Variants in ARFGEF3 observed in about 807,000 individuals in gnomAD.
The protein encoded by ARFGEF3 is ARFGEF family member 3.
In ARFGEF3, 96 loss-of-function variants were observed where a neutral mutation model predicts 221.7. The observed-to-expected ratio is 0.43, with a 90% CI of 0.37 to 0.51. ARFGEF3 has a LOEUF of 0.51. ARFGEF3 is among the 20% of genes least tolerant of loss of function. The probability of loss-of-function intolerance (pLI) is 0.00; values close to 1 mark genes in which losing one functional copy is unlikely to be tolerated. For synonymous variants in ARFGEF3, 1,145 were observed against 1,126.8 expected, an observed-to-expected ratio of 1.02 and a Z score of -0.32; for missense variants, 2,410 against 2,789.9, an observed-to-expected ratio of 0.86 and a Z score of 3.07.
chr6:138,198,653 G>A (rs909397972), intron 2 of ARFGEF3, among the ~76,000 whole-genome samples: 3 of 152,068 alleles, frequency 2.0e-5, no homozygotes, highest in Non-Finnish European at 4.4e-5. Flanking sequence ...CAGGAAAGGT[G>A]CTGGCTGTGG....
intron 9 of ARFGEF3, among the ~76,000 whole-genome samples, chr6:138,254,944 A>G (rs1048364051): frequency 2.6e-5 from 4 of 152,194 alleles, no homozygotes; most frequent in Non-Finnish European, 5.9e-5. Flanking sequence ...CTTTACTCCT[A>G]GCCCTAGCTC....
chr6:138,221,241 C>T (rs547437180), intron 4 of ARFGEF3, among the ~76,000 whole-genome samples: 2 of 152,276 alleles, frequency 1.3e-5, no homozygotes, highest in East Asian at 1.9e-4. Flanking sequence ...GGTTTGTTTG[C>T]TTGCTGATGT....
chr6:138,324,128 T>C lies in ARFGEF3; in HGVS notation c.4975T>C (p.Trp1659Arg). 1 of 1,613,730 alleles carries C rather than the reference T, an allele frequency of 6.2e-7. No homozygotes were observed. ...SSSPSAEAEYWRIRAMAQQVF... is the reference protein window; with the variant it reads ...SSSPSAEAEYRRIRAMAQQVF... Reference sequence around the variant, plus strand: ...CTCCCCAAGTGCCGAGGCCGAGTACTGGCGCATCCGAGCCATGGCCCAGCA... The same window carrying C: ...CTCCCCAAGTGCCGAGGCCGAGTACCGGCGCATCCGAGCCATGGCCCAGCA... The change falls in exon 31 of 34, where the codon TGG (tryptophan) becomes CGG (arginine). Residue 1659 changes from tryptophan to arginine, a missense_variant. Transcript: ENST00000251691.
At chr6:138,266,708 G>A (rs1778900042) in intron 12 of ARFGEF3, among the ~76,000 whole-genome samples, 1 of 151,862 alleles carries the variant, frequency 6.6e-6, no homozygotes, top group South Asian at 2.1e-4. Flanking sequence ...AATTAGCTGG[G>A]CGTGGTGGCA....
chr6:138,239,107 GC>G (rs1490649597), intron 6 of ARFGEF3, among the ~76,000 whole-genome samples: 1 of 152,132 alleles, frequency 6.6e-6, no homozygotes, highest in African/African-American at 2.4e-5. Flanking sequence ...TATCATCAAA[GC>G]CCACTAGAGC....
intron 31 of ARFGEF3, among the ~76,000 whole-genome samples, chr6:138,325,988 C>G (rs554179574): frequency 6.6e-6 from 1 of 152,270 alleles, no homozygotes; most frequent in Non-Finnish European, 1.5e-5. Context: ...TCCTGAGTAG[C>G]TGGGATTACA....
At chr6:138,238,428 C>A in intron 5 of ARFGEF3, 81 bp from the exon 6 acceptor site, 1 of 1,423,388 alleles carries the variant, frequency 7.0e-7, no homozygotes, top group Non-Finnish European at 9.6e-7. Flanking sequence ...GATTTGATAT[C>A]CTCTCTGGTC....
At chr6:138,175,654 G>C (rs1227873019) in intron 2 of ARFGEF3, among the ~76,000 whole-genome samples, 1 of 152,162 alleles carries the variant, frequency 6.6e-6, no homozygotes, top group South Asian at 2.1e-4. Flanking sequence ...CTATCCACTG[G>C]TTTTTCAACC....
intron 12 of ARFGEF3, among the ~76,000 whole-genome samples, chr6:138,273,517 A>G (rs1779040526): frequency 6.6e-6 from 1 of 152,258 alleles, no homozygotes; most frequent in African/African-American, 2.4e-5. Flanking sequence ...TAAATTGGAT[A>G]GCACGTCAGT....
chr6:138,313,722 CATT>C (rs1779870630), intron 25 of ARFGEF3, 70 bp from the exon 26 acceptor site: 46 of 1,252,836 alleles, frequency 3.7e-5, no homozygotes, highest in Admixed American at 7.9e-5. Context: ...TGTATAATTT[CATT>C]ATTCTTTAAA....
intron 2 of ARFGEF3, among the ~76,000 whole-genome samples, chr6:138,194,963 C>T (rs1453939217): frequency 7.0e-6 from 1 of 143,352 alleles, no homozygotes; most frequent in South Asian, 2.2e-4. Context: ...TACTTGTAGG[C>T]TCAAACTAAC....
intron 2 of ARFGEF3, among the ~76,000 whole-genome samples, chr6:138,199,312 T>C (rs1490469462): frequency 6.6e-6 from 1 of 152,188 alleles, no homozygotes; most frequent in Non-Finnish European, 1.5e-5. Flanking sequence ...GTGAAGAAAT[T>C]CAGACAGTTA....
chr6:138,255,896 A>G, intron 10 of ARFGEF3, 127 bp downstream of exon 10: 1 of 770,588 alleles, frequency 1.3e-6, no homozygotes. Context: ...CATGGTGTCC[A>G]GTAGCGAATG....
chr6:138,242,680 C>T (rs564309115), intron 6 of ARFGEF3, among the ~76,000 whole-genome samples: 2 of 152,282 alleles, frequency 1.3e-5, no homozygotes, highest in South Asian at 4.1e-4. Flanking sequence ...TTTAAACTTC[C>T]AGGAAGTATC....
intron 12 of ARFGEF3, among the ~76,000 whole-genome samples, chr6:138,272,542 T>A (rs546827362): frequency 7.2e-5 from 11 of 152,380 alleles, no homozygotes; most frequent in African/African-American, 2.6e-4. Flanking sequence ...GGATTTAAAA[T>A]TCACATTAAA....
chr6:138,169,710 A>G (rs1776790065), intron 1 of ARFGEF3, among the ~76,000 whole-genome samples: 1 of 152,166 alleles, frequency 6.6e-6, no homozygotes, highest in Non-Finnish European at 1.5e-5. Context: ...TCACAGAACC[A>G]AGAACCCTGC....
chr6:138,194,819 A>T (rs1777378974), intron 2 of ARFGEF3, among the ~76,000 whole-genome samples: 1 of 152,030 alleles, frequency 6.6e-6, no homozygotes, highest in Admixed American at 6.6e-5. Context: ...TAAATTGGAA[A>T]GGGTGGTGAC....
At chr6:138,208,087 G>T (rs561552725) in intron 3 of ARFGEF3, among the ~76,000 whole-genome samples, 47 of 152,258 alleles carry the variant, frequency 3.1e-4, no homozygotes, top group African/African-American at 7.7e-4. Flanking sequence ...GTTTTGATCT[G>T]TCACTTTTGT....
intron 12 of ARFGEF3, among the ~76,000 whole-genome samples, chr6:138,272,672 T>C (rs1779025480): frequency 6.6e-6 from 1 of 152,212 alleles, no homozygotes; most frequent in Non-Finnish European, 1.5e-5. Context: ...AGTAATGTTA[T>C]GTAAAAATTA....
Sources: gnomAD v4.1 joint callset for allele counts (sites outside exome capture counted in the v4.1 genomes callset) on GRCh38, gnomAD v4.1.1 for gene constraint, MANE v1.5 for transcripts, NCBI Gene and HGNC (gene_info 2026-07-23, HGNC 2026-07-21) for gene names.